The following PLAUR variants were observed in gnomAD, a reference collection of about 807,000 sequenced individuals.
The protein encoded by PLAUR is urokinase plasminogen activator surface receptor.
Under a neutral mutation model 33.4 loss-of-function variants are expected in PLAUR, and 22 were observed. The observed-to-expected ratio is 0.66, with a 90% CI of 0.47 to 0.94. The LOEUF is 0.94. Among genes scored for constraint, PLAUR ranks in the 40% least tolerant of loss-of-function variants. The pLI, the probability that PLAUR is intolerant of heterozygous loss-of-function variation, is 0.00. For synonymous variants in PLAUR, 148 were observed against 167.3 expected, an observed-to-expected ratio of 0.88 and a Z score of 0.89; for missense variants, 408 against 434.7, an observed-to-expected ratio of 0.94 and a Z score of 0.55.
downstream of PLAUR, among the ~76,000 whole-genome samples, chr19:43,647,873 G>A (rs2146182894): frequency 6.6e-6 from 1 of 150,678 alleles, no homozygotes; most frequent in South Asian, 2.1e-4. Flanking sequence ...TGACGGTGAA[G>A]GACAGGTTTA....
rs530761340 is a variant in PLAUR, at chr19:43,666,908, G to T, written c.166+673C>A. On this transcript the variant is annotated intron_variant, in intron 2 of 6. Coordinates refer to ENST00000340093, the MANE Select transcript of PLAUR (RefSeq NM_002659.4). ...TCGTTCATTTTTTTGACAGGATCTC[G>T]CTCTGTCGCCCAGGCTGGAGTGCAG... 1.7e-4 allele frequency among the ~76,000 whole-genome samples: 24 copies of T among 139,576 alleles called. No homozygotes were observed. The South Asian group carries it at 5.5e-3, about 32-fold the overall frequency. The allele number at this position is 139,576 out of a possible 152,430, so 91.6% of individuals were successfully genotyped here. A position where few individuals can be genotyped will look rare whatever the true frequency, so the allele number is the denominator to read the frequency against.
chr19:43,655,385 T>G, intron 5 of PLAUR, 54 bp downstream of exon 5: 1 of 1,582,456 alleles, frequency 6.3e-7, no homozygotes, highest in East Asian at 2.3e-5. Flanking sequence ...GCTGTCTGCC[T>G]GAGTGCATGC....
intron 6 of PLAUR, among the ~76,000 whole-genome samples, chr19:43,650,467 A>T (rs1375605378): frequency 2.0e-5 from 3 of 151,276 alleles, no homozygotes; most frequent in African/African-American, 4.9e-5. Flanking sequence ...CTGGGACTAC[A>T]GGCATGCACC....
At chr19:43,648,395 C>A (rs907743669), downstream of PLAUR, among the ~76,000 whole-genome samples, 1 of 152,078 alleles carries the variant, frequency 6.6e-6, no homozygotes, top group African/African-American at 2.4e-5. Context: ...TTCAAGATGG[C>A]AGTGCTCCTG....
At chr19:43,652,707 G>T (rs992122955) in intron 5 of PLAUR, among the ~76,000 whole-genome samples, 1 of 152,096 alleles carries the variant, frequency 6.6e-6, no homozygotes, top group African/African-American at 2.4e-5. Flanking sequence ...CTGGAGTGCA[G>T]TGGCGCAATT....
At chr19:43,668,523 C>T (rs1967370594) in intron 1 of PLAUR, among the ~76,000 whole-genome samples, 3 of 151,476 alleles carry the variant, frequency 2.0e-5, no homozygotes, top group Admixed American at 6.6e-5. Flanking sequence ...CCTAGTTTTC[C>T]CCTGAGGTCA....
intron 5 of PLAUR, among the ~76,000 whole-genome samples, chr19:43,655,171 G>T (rs1393986927): frequency 6.6e-6 from 1 of 151,518 alleles, no homozygotes; most frequent in Non-Finnish European, 1.5e-5. Flanking sequence ...CAGCTACTCA[G>T]GAGGCTGAAG....
chr19:43,656,156 G>C (rs1430549913), intron 4 of PLAUR, among the ~76,000 whole-genome samples: 4 of 152,006 alleles, frequency 2.6e-5, no homozygotes, highest in African/African-American at 9.7e-5. Context: ...AGGAGGCTGA[G>C]GCAGGAGAAT....
chr19:43,653,927 C>A (rs1414520343), intron 5 of PLAUR, among the ~76,000 whole-genome samples: 1 of 151,970 alleles, frequency 6.6e-6, no homozygotes, highest in Non-Finnish European at 1.5e-5. Flanking sequence ...AGATCGAGAT[C>A]ATCCTGGCTA....
chr19:43,666,075 TTTTA>T (rs985311555), intron 2 of PLAUR, among the ~76,000 whole-genome samples: 2 of 151,720 alleles, frequency 1.3e-5, no homozygotes, highest in Admixed American at 6.6e-5. Context: ...TGTAACTTTA[TTTTA>T]TTTATTTATT....
chr19:43,648,999 A>C lies in PLAUR; in HGVS notation c.899T>G (p.Val300Gly). 4.3e-6 allele frequency: 7 copies of C among 1,614,178 alleles called. No individual in the cohort carries two copies. The highest frequency in any genetic ancestry group is 5.1e-6 in the Non-Finnish European group (6 of 1,180,026). Residue 300 changes from valine (V) to glycine (G), a missense_variant, in exon 7 of 7, where the codon GTC (valine) becomes GGC (glycine). Physicochemically the swap from Val to Gly is moderately radical, Grantham distance 109. Coordinates refer to ENST00000340093, the MANE Select transcript of PLAUR (RefSeq NM_002659.4). ...KSGCNHPDLDVQYRSGAAPQP... is the reference protein window; with the variant it reads ...KSGCNHPDLDGQYRSGAAPQP... ...AGGAGCAGCCCCACTGCGGTACTGG[A>C]CATCCAGGTCTGGGTGGTTACAGCC...
At chr19:43,646,328 C>A, downstream of PLAUR, 1 of 614,806 alleles carries the variant, frequency 1.6e-6, no homozygotes, top group African/African-American at 1.9e-5. Context: ...ACTAATATAG[C>A]CAAGTTTCCT....
At chr19:43,649,459 G>C (rs1973898537) in intron 6 of PLAUR, among the ~76,000 whole-genome samples, 1 of 151,922 alleles carries the variant, frequency 6.6e-6, no homozygotes, top group African/African-American at 2.4e-5. Flanking sequence ...AGGATCACTT[G>C]AGCTCAGGAG....
At chr19:43,665,919 C>G (rs2146281530) in intron 2 of PLAUR, among the ~76,000 whole-genome samples, 1 of 151,646 alleles carries the variant, frequency 6.6e-6, no homozygotes, top group Non-Finnish European at 1.5e-5. Context: ...CCACCTTGGC[C>G]TCCCAAAGTG....
chr19:43,648,016 T>C (rs1479084609), downstream of PLAUR, among the ~76,000 whole-genome samples: 3 of 151,500 alleles, frequency 2.0e-5, no homozygotes, highest in East Asian at 5.8e-4. Flanking sequence ...CGGAATGTTT[T>C]CATGTGAGGA....
chr19:43,650,634 A>G (rs111909167), intron 6 of PLAUR, among the ~76,000 whole-genome samples: 2 of 152,122 alleles, frequency 1.3e-5, no homozygotes, highest in East Asian at 1.9e-4. Flanking sequence ...CTATCATTAC[A>G]TTTTTTCTTT....
intron 6 of PLAUR, 131 bp from the exon 7 acceptor site, chr19:43,649,274 G>A: frequency 1.9e-6 from 2 of 1,028,332 alleles, no homozygotes; most frequent in Non-Finnish European, 2.8e-6. Flanking sequence ...AGTTCTCAGG[G>A]CCAGGTGTGG....
chr19:43,665,597 T>C, intron 2 of PLAUR, 138 bp from the exon 3 acceptor site: 1 of 707,104 alleles, frequency 1.4e-6, no homozygotes, highest in Non-Finnish European at 2.2e-6. Flanking sequence ...AACTCTGTCT[T>C]TTTCTAGAGT....
At position 43,656,516 on chromosome 19, in the gene PLAUR, C is replaced by A. The variant is rs1346132976; in HGVS notation, c.435G>T (p.Leu145=). The A allele has an allele frequency of 6.2e-7, 1 of 1,609,002 alleles. No individual in the cohort carries two copies. Among genetic ancestry groups the A allele is most frequent in the Non-Finnish European group, 8.5e-7 (1 of 1,177,052 alleles). ...CCTGGATCCAGTGGGTCACCACATC[C>A]AGGCACTGTTCTTCAGGGCTGCGGC... The part of the protein sequence containing the change: ...LQCRSPEEQC[L]DVVTHWIQEG... The change falls in exon 4 of 7, where the codon CTG becomes CTT. Residue 145 remains leucine, a synonymous_variant. Coordinates refer to ENST00000340093, the MANE Select transcript of PLAUR (RefSeq NM_002659.4).
Sources: allele counts gnomAD v4.1 joint callset (sites outside exome capture counted in the v4.1 genomes callset), GRCh38; gene constraint gnomAD v4.1.1; transcripts MANE v1.5; gene names NCBI Gene and HGNC (gene_info 2026-07-23, HGNC 2026-07-21).